Variants in CDH13 observed in about 807,000 individuals in gnomAD.
CDH13 encodes the protein cadherin-13.
CDH13 carries 24 observed loss-of-function variants against 63.8 expected under a neutral mutation model. The observed-to-expected ratio is 0.38, with a 90% confidence interval of 0.27 to 0.53. The LOEUF (loss-of-function observed/expected upper bound fraction) is 0.53. Ranked by LOEUF, CDH13 falls within the 20% of genes least tolerant of loss-of-function variation. The pLI is 0.85. For synonymous variants in CDH13, 503 were observed against 355.3 expected, an observed-to-expected ratio of 1.42 and a Z score of -4.67; for missense variants, 1,049 against 903.1, an observed-to-expected ratio of 1.16 and a Z score of -2.07.
chr16:83,656,554 C>G (rs1912888399), intron 8 of CDH13, among the ~76,000 whole-genome samples: 1 of 152,026 alleles, frequency 6.6e-6, no homozygotes, highest in African/African-American at 2.4e-5. Flanking sequence ...CTGCCATTGC[C>G]CAAGCTGGGA....
At chr16:83,392,979 G>A (rs1490046490) in intron 6 of CDH13, among the ~76,000 whole-genome samples, 1 of 152,056 alleles carries the variant, frequency 6.6e-6, no homozygotes, top group Non-Finnish European at 1.5e-5. Flanking sequence ...GGCATAGATG[G>A]AGGGTGATGG....
intron 1 of CDH13, among the ~76,000 whole-genome samples, chr16:82,835,329 C>T (rs926485689): frequency 3.9e-5 from 6 of 152,196 alleles, no homozygotes; most frequent in African/African-American, 1.4e-4. Context: ...TTCTGACATT[C>T]ACAGGGAATG....
intron 6 of CDH13, among the ~76,000 whole-genome samples, chr16:83,401,066 T>C (rs7186944): frequency 0.74 from 111,884 of 152,052 alleles, 41,313 homozygotes; most frequent in East Asian, 0.87. Context: ...ATTGGCCAAA[T>C]GCAGTGGCTC....
chr16:83,117,544 CCT>C (rs1254647739), intron 3 of CDH13, among the ~76,000 whole-genome samples: 1 of 151,830 alleles, frequency 6.6e-6, no homozygotes, highest in Non-Finnish European at 1.5e-5. Context: ...TGGTTTGCCC[CCT>C]CTCTCTACAA....
chr16:83,311,587 C>G (rs994238635), intron 5 of CDH13, among the ~76,000 whole-genome samples: 2 of 152,176 alleles, frequency 1.3e-5, no homozygotes, highest in Non-Finnish European at 2.9e-5. Flanking sequence ...AAAACTGAGT[C>G]TCAGTGAGGG....
At position 83,200,203 on chromosome 16, in the gene CDH13, C is replaced by G. The variant is rs180725288; in HGVS notation, c.484-17142C>G. On this transcript the variant is annotated intron_variant, in intron 4 of 13. Coordinates refer to ENST00000567109, the MANE Select transcript of CDH13 (RefSeq NM_001257.5). Reference sequence around the variant, plus strand: ...CGCCTTAACAGGATGAGGGTGTGAGCCTGGGCGCTGGGTGGCAGCCTTGTC... The same window carrying G: ...CGCCTTAACAGGATGAGGGTGTGAGGCTGGGCGCTGGGTGGCAGCCTTGTC... Among the ~76,000 whole-genome samples the G allele has an allele frequency of 4.9e-4, 75 of 152,196 alleles. 1 individual carries two copies. In the East Asian group the frequency reaches 8.9e-3, roughly 18 times the overall value.
At chr16:82,652,590 A>G (rs1910846705) in intron 1 of CDH13, among the ~76,000 whole-genome samples, 1 of 151,262 alleles carries the variant, frequency 6.6e-6, no homozygotes. Flanking sequence ...TAAAAATTAC[A>G]GATCTTGGAA....
intron 6 of CDH13, among the ~76,000 whole-genome samples, chr16:83,468,689 C>T (rs576670126): frequency 4.8e-4 from 73 of 152,302 alleles, no homozygotes; most frequent in African/African-American, 1.7e-3. Context: ...TGTCTCTTTT[C>T]ACCGCCTCTC....
intron 1 of CDH13, among the ~76,000 whole-genome samples, chr16:82,657,927 A>C (rs1326731202): frequency 6.6e-6 from 1 of 152,160 alleles, no homozygotes; most frequent in Non-Finnish European, 1.5e-5. Flanking sequence ...ATCTTACTGC[A>C]TTAGCTAGGA....
At chr16:83,455,281 AC>A (rs1250039345) in intron 6 of CDH13, among the ~76,000 whole-genome samples, 1 of 152,008 alleles carries the variant, frequency 6.6e-6, no homozygotes, top group African/African-American at 2.4e-5. Context: ...AGATTCACTA[AC>A]CCCCTCTAAA....
chr16:82,740,314 G>A (rs1025358742), intron 1 of CDH13, among the ~76,000 whole-genome samples: 5 of 152,142 alleles, frequency 3.3e-5, no homozygotes, highest in African/African-American at 4.8e-5. Flanking sequence ...ATGAGATGAC[G>A]TTCTCCATTT....
At chr16:82,928,482 C>G (rs548060328) in intron 2 of CDH13, among the ~76,000 whole-genome samples, 215 of 152,320 alleles carry the variant, frequency 1.4e-3, no homozygotes, top group African/African-American at 5.0e-3. Flanking sequence ...TGAAAGTGTT[C>G]TATTCAATTC....
intron 1 of CDH13, among the ~76,000 whole-genome samples, chr16:82,707,208 T>G (rs2031563845): frequency 6.6e-6 from 1 of 152,260 alleles, no homozygotes; most frequent in Non-Finnish European, 1.5e-5. Context: ...CATGCTTGAT[T>G]CTTTTCTCCA....
chr16:83,615,075 G>A (rs1909172939), intron 8 of CDH13, among the ~76,000 whole-genome samples: 2 of 152,120 alleles, frequency 1.3e-5, no homozygotes, highest in African/African-American at 2.4e-5. Context: ...GGTGACTCCA[G>A]CTATGAAGTT....
chr16:83,107,518 C>T (rs1157861739), intron 3 of CDH13, among the ~76,000 whole-genome samples: 1 of 152,196 alleles, frequency 6.6e-6, no homozygotes, highest in African/African-American at 2.4e-5. Context: ...TTCTGTTTCT[C>T]CACTGGACAC....
At chr16:83,040,926 A>C (rs1297904160) in intron 3 of CDH13, among the ~76,000 whole-genome samples, 1 of 152,146 alleles carries the variant, frequency 6.6e-6, no homozygotes, top group Non-Finnish European at 1.5e-5. Flanking sequence ...ACATGACCAA[A>C]TTCTATGATT....
chr16:82,751,241 C>G (rs908594665), intron 1 of CDH13, among the ~76,000 whole-genome samples: 1 of 152,206 alleles, frequency 6.6e-6, no homozygotes, highest in Non-Finnish European at 1.5e-5. Flanking sequence ...GCATAGGGCC[C>G]TGTGCTTAAC....
intron 6 of CDH13, among the ~76,000 whole-genome samples, chr16:83,455,517 G>C (rs1429702521): frequency 2.0e-5 from 3 of 152,094 alleles, no homozygotes; most frequent in Non-Finnish European, 4.4e-5. Context: ...CTCTTCCCTA[G>C]ATATTTGCTT....
intron 13 of CDH13, among the ~76,000 whole-genome samples, chr16:83,790,513 C>T (rs1367950410): frequency 2.0e-5 from 3 of 152,208 alleles, no homozygotes; most frequent in Non-Finnish European, 4.4e-5. Flanking sequence ...CATTCTCCTG[C>T]CTCAGCCTCC....
Sources: gnomAD v4.1 joint callset for allele counts (sites outside exome capture counted in the v4.1 genomes callset) on GRCh38, gnomAD v4.1.1 for gene constraint, MANE v1.5 for transcripts, NCBI Gene and HGNC (gene_info 2026-07-23, HGNC 2026-07-21) for gene names.